RSRC1: variants seen among roughly 807,000 people sequenced by gnomAD.
RSRC1 encodes serine/Arginine-related protein 53.
Under a neutral mutation model 49.1 loss-of-function variants are expected in RSRC1, and 39 were observed. The observed-to-expected ratio is 0.79, with a 90% CI of 0.61 to 1.04. RSRC1 has a LOEUF of 1.04. RSRC1 is among the 50% of genes least tolerant of loss of function. The probability of loss-of-function intolerance (pLI) is 0.00; values close to 1 mark genes in which losing one functional copy is unlikely to be tolerated. For missense variants in RSRC1, 388 were observed against 402.4 expected (o/e 0.96, Z 0.31); for synonymous variants, 143 against 130.8 (o/e 1.09, Z -0.63).
chr3:158,232,255 C>T (rs1312378981), intron 4 of RSRC1, among the ~76,000 whole-genome samples: 1 of 151,846 alleles, frequency 6.6e-6, no homozygotes, highest in East Asian at 1.9e-4. Context: ...TATTTAAAAC[C>T]ATAAATGGCT....
At chr3:158,431,241 A>G (rs1735757336) in intron 6 of RSRC1, among the ~76,000 whole-genome samples, 1 of 143,492 alleles carries the variant, frequency 7.0e-6, no homozygotes, top group Admixed American at 7.1e-5. Context: ...TTCTGAGTAA[A>G]TGTTTAAATA....
chr3:158,380,274 G>A (rs996375539), intron 6 of RSRC1, among the ~76,000 whole-genome samples: 1 of 152,100 alleles, frequency 6.6e-6, no homozygotes, highest in Non-Finnish European at 1.5e-5. Context: ...ACAGATATCT[G>A]TGCTGCTTTG....
chr3:158,161,880 A>C (rs2108226284), intron 3 of RSRC1, among the ~76,000 whole-genome samples: 1 of 152,296 alleles, frequency 6.6e-6, no homozygotes, highest in East Asian at 1.9e-4. Context: ...GGGGGCTCAA[A>C]ATTTTTAAAA....
At chr3:158,154,300 G>A (rs1162763107) in intron 3 of RSRC1, among the ~76,000 whole-genome samples, 1 of 152,136 alleles carries the variant, frequency 6.6e-6, no homozygotes, top group Admixed American at 6.6e-5. Context: ...TTGCCTTGAT[G>A]TTGATGGCTG....
intron 3 of RSRC1, among the ~76,000 whole-genome samples, chr3:158,201,925 G>T (rs1481433373): frequency 2.0e-5 from 3 of 152,070 alleles, no homozygotes; most frequent in African/African-American, 7.2e-5. Context: ...ATCATATTAT[G>T]AATACTCTGT....
At chr3:158,385,751 G>A (rs1410719838) in intron 6 of RSRC1, among the ~76,000 whole-genome samples, 1 of 152,072 alleles carries the variant, frequency 6.6e-6, no homozygotes, top group East Asian at 1.9e-4. Flanking sequence ...GTAATCATGA[G>A]CTGATTAATG....
At chr3:158,510,324 T>G (rs1388234012) in intron 7 of RSRC1, among the ~76,000 whole-genome samples, 6 of 152,234 alleles carry the variant, frequency 3.9e-5, no homozygotes, top group Admixed American at 3.9e-4. Context: ...TCTTTGTAAA[T>G]TAATATGTAT....
rs549140009 is a variant in RSRC1, at chr3:158,154,894, A to G, written c.320+30903A>G. Among the ~76,000 whole-genome samples, 16 of 152,324 alleles carry G rather than the reference A, an allele frequency of 1.1e-4. No homozygotes were observed. In the South Asian group the frequency reaches 2.7e-3, roughly 26 times the overall value. On this transcript the variant is annotated intron_variant, in intron 3 of 9. Transcript: ENST00000611884. The stretch of plus-strand genomic sequence containing the variant: ...AGCATCTTCACCAGCAGTGGATTCT[A>G]TCTCAAGAAACCACTTTTTTGCTCA...
intron 6 of RSRC1, among the ~76,000 whole-genome samples, chr3:158,422,809 C>T (rs894665183): frequency 2.7e-5 from 4 of 148,448 alleles, no homozygotes; most frequent in African/African-American, 7.6e-5. Flanking sequence ...TTTTGATTTG[C>T]GTTTCTCTGA....
At chr3:158,428,140 C>T (rs1225777456) in intron 6 of RSRC1, among the ~76,000 whole-genome samples, 2 of 151,644 alleles carry the variant, frequency 1.3e-5, no homozygotes, top group African/African-American at 2.4e-5. Context: ...GTTCTCCTTC[C>T]CTCTAGGAAA....
chr3:158,278,937 T>A (rs901269033), intron 4 of RSRC1, among the ~76,000 whole-genome samples: 2 of 152,226 alleles, frequency 1.3e-5, no homozygotes, highest in African/African-American at 4.8e-5. Context: ...TATATTATTT[T>A]TAAAAATCAA....
At chr3:158,406,895 C>A (rs988393987) in intron 6 of RSRC1, among the ~76,000 whole-genome samples, 1 of 152,088 alleles carries the variant, frequency 6.6e-6, no homozygotes, top group African/African-American at 2.4e-5. Context: ...TCGGCTTCTG[C>A]TGTGTTGCCT....
At chr3:158,326,167 A>G (rs1224986096) in intron 5 of RSRC1, among the ~76,000 whole-genome samples, 1 of 152,170 alleles carries the variant, frequency 6.6e-6, no homozygotes, top group East Asian at 1.9e-4. Context: ...CAATCATGTC[A>G]TCTGCAAACA....
intron 5 of RSRC1, among the ~76,000 whole-genome samples, chr3:158,317,908 C>G (rs1728550000): frequency 2.0e-5 from 3 of 152,130 alleles, no homozygotes; most frequent in African/African-American, 7.2e-5. Flanking sequence ...ATTGGATCCC[C>G]CTAGAGCAAA....
At chr3:158,188,362 T>G (rs1397899420) in intron 3 of RSRC1, among the ~76,000 whole-genome samples, 1 of 151,992 alleles carries the variant, frequency 6.6e-6, no homozygotes, top group Non-Finnish European at 1.5e-5. Context: ...TATTCCTCTT[T>G]CCATCCAACT....
intron 8 of RSRC1, among the ~76,000 whole-genome samples, chr3:158,542,546 T>C (rs751826095): frequency 1.3e-5 from 2 of 151,860 alleles, no homozygotes; most frequent in African/African-American, 2.4e-5. Flanking sequence ...AAAGAAAAAA[T>C]TATGCTAAAT....
chr3:158,199,024 G>A (rs185994826), intron 3 of RSRC1, among the ~76,000 whole-genome samples: 15 of 152,252 alleles, frequency 9.9e-5, no homozygotes, highest in African/African-American at 2.2e-4. Flanking sequence ...TAATTTCCAC[G>A]TGTGGTGGGA....
intron 4 of RSRC1, among the ~76,000 whole-genome samples, chr3:158,213,371 A>G (rs1721788104): frequency 6.6e-6 from 1 of 151,972 alleles, no homozygotes; most frequent in South Asian, 2.1e-4. Context: ...ATATAATAAA[A>G]GAAAATCTCC....
chr3:158,271,787 A>T (rs1042768567), intron 4 of RSRC1, among the ~76,000 whole-genome samples: 14 of 152,110 alleles, frequency 9.2e-5, no homozygotes, highest in Admixed American at 2.0e-4. Context: ...TTTTAGGTGT[A>T]CAAGTCATTA....
Sources: allele counts gnomAD v4.1 joint callset (sites outside exome capture counted in the v4.1 genomes callset), GRCh38; gene constraint gnomAD v4.1.1; transcripts MANE v1.5; gene names NCBI Gene and HGNC (gene_info 2026-07-23, HGNC 2026-07-21).